MED28: variants seen among roughly 807,000 people sequenced by gnomAD.
MED28 encodes the protein mediator of RNA polymerase II transcription subunit 28.
In MED28, 26 loss-of-function variants were observed where a neutral mutation model predicts 21.3. That is an observed-to-expected ratio of 1.22 (90% CI 0.89 to 1.69). The LOEUF (loss-of-function observed/expected upper bound fraction) is 1.69. Ranked by LOEUF, MED28 falls within the 40% of genes most tolerant of loss-of-function variation. The pLI is 0.00. For synonymous variants in MED28, 110 were observed against 87.6 expected, an observed-to-expected ratio of 1.26 and a Z score of -1.43; for missense variants, 257 against 215.4, an observed-to-expected ratio of 1.19 and a Z score of -1.21.
chr4:17,615,814 A>G (rs1259717300), intron 1 of MED28, among the ~76,000 whole-genome samples: 3 of 152,282 alleles, frequency 2.0e-5, no homozygotes, highest in South Asian at 4.1e-4. Context: ...CCGTCTCAAA[A>G]AAGTAAAATA....
chr4:17,632,589 G>A lies in MED28; in HGVS notation c.*8791G>A. 1 of 1,551,330 alleles carries A rather than the reference G, an allele frequency of 6.4e-7. No individual in the cohort carries two copies. The highest frequency in any genetic ancestry group is 8.7e-7 in the Non-Finnish European group (1 of 1,146,788). On this transcript the variant is annotated 3_prime_UTR_variant, in exon 4 of 4. Transcript: ENST00000237380. The stretch of plus-strand genomic sequence containing the variant: ...GGTGCGGAGAGCCCTGTTTCTGCTG[G>A]ACTTCTTTGGCTTGGGCCGTTTCAC...
rs771649413 is a variant in MED28 at position 17,632,647 on chromosome 4, T to G, written c.*8849T>G. The G allele has an allele frequency of 4.3e-5, 64 of 1,485,486 alleles. No individual in the cohort carries two copies. The highest frequency in any genetic ancestry group is 5.8e-5 in the Non-Finnish European group (63 of 1,090,804). The allele number at this position is 1,485,486 out of a possible 1,614,324, so 92.0% of individuals were successfully genotyped here. ...GGTCCTAAAAGCAAAAAAAGGTTTT[T>G]TTATATGGTTTTGAAAACTATGCAA... On this transcript the variant is annotated 3_prime_UTR_variant, in exon 4 of 4. Coordinates refer to ENST00000237380, the MANE Select transcript of MED28 (RefSeq NM_025205.5).
chr4:17,632,400 A>G lies in MED28; in HGVS notation c.*8602A>G. On this transcript the variant is annotated 3_prime_UTR_variant, in exon 4 of 4. Transcript: ENST00000237380. ...GAACAGTATGAAGTGTTAACGCCAA[A>G]ATTTGTTTTAGCTATCATATATAAA... 1 of 717,496 alleles carries G rather than the reference A, an allele frequency of 1.4e-6. No homozygotes were observed. Among genetic ancestry groups the G allele is most frequent in the East Asian group, 3.0e-5 (1 of 33,830 alleles). 44.4% of individuals were successfully genotyped at this position (717,496 alleles called of 1,614,324 possible).
chr4:17,621,949 G>A (rs537705655), intron 3 of MED28, among the ~76,000 whole-genome samples: 1 of 152,276 alleles, frequency 6.6e-6, no homozygotes, highest in African/African-American at 2.4e-5. Flanking sequence ...TGGCCTTCAG[G>A]AAAGATTTTT....
chr4:17,623,106 AAAAAT>A (rs1311492458), intron 3 of MED28, among the ~76,000 whole-genome samples: 1 of 152,192 alleles, frequency 6.6e-6, no homozygotes, highest in Admixed American at 6.5e-5. Flanking sequence ...TTTCTATAAG[AAAAAT>A]AAACGTAGGC....
intron 2 of MED28, among the ~76,000 whole-genome samples, chr4:17,620,534 T>C (rs1378517201): frequency 6.6e-6 from 1 of 152,170 alleles, no homozygotes; most frequent in Non-Finnish European, 1.5e-5. Context: ...GGTTTCGCCA[T>C]GTTGGCCAGG....
At chr4:17,623,493 T>C (rs1433259205) in intron 3 of MED28, 108 bp from the exon 4 acceptor site, 4 of 1,051,454 alleles carry the variant, frequency 3.8e-6, no homozygotes, top group African/African-American at 1.6e-5. Context: ...GGGCTTAATA[T>C]GGTTTAATGG....
chr4:17,618,251 C>A (rs996997941), intron 1 of MED28, among the ~76,000 whole-genome samples: 1 of 152,096 alleles, frequency 6.6e-6, no homozygotes, highest in Non-Finnish European at 1.5e-5. Context: ...TGAAGTGATC[C>A]ACCCATCTTG....
rs1193649856 is a variant in MED28, at chr4:17,633,494, C to T, written c.*9696C>T. 6.0e-6 allele frequency: 3 copies of T among 501,692 alleles called. No individual in the cohort carries two copies. Among genetic ancestry groups the T allele is most frequent in the Non-Finnish European group, 1.0e-5 (3 of 290,142 alleles). 31.1% of individuals were successfully genotyped at this position (501,692 alleles called of 1,614,324 possible). A position where few individuals can be genotyped will look rare whatever the true frequency, so the allele number is the denominator to read the frequency against. On this transcript the variant is annotated 3_prime_UTR_variant, in exon 4 of 4. Coordinates refer to ENST00000237380, the MANE Select transcript of MED28 (RefSeq NM_025205.5). ...GGAAGACTGTAATTTGAATTCAGAC[C>T]TCCAGGCCAGATGGAGTCCACCTTT...
rs531054810 is a variant in MED28 at position 17,626,728 on chromosome 4, G to A, written c.*2930G>A. ...GCTCTGTTGCCCAGGCTGTAGTGCAGTGGCACAACGGGGTCCCACAGGCAA... is the reference window on the plus strand; with the variant it reads ...GCTCTGTTGCCCAGGCTGTAGTGCAATGGCACAACGGGGTCCCACAGGCAA... On this transcript the variant is annotated 3_prime_UTR_variant, in exon 4 of 4. Transcript: ENST00000237380. 6.6e-6 allele frequency: 1 copy of A among 152,110 alleles called. No individual in the cohort carries two copies. Among genetic ancestry groups the A allele is most frequent in the African/African-American group, 2.4e-5 (1 of 41,322 alleles). The allele number at this position is 152,110 out of a possible 1,614,324, so 9.4% of individuals were successfully genotyped here. A position where few individuals can be genotyped will look rare whatever the true frequency, so the allele number is the denominator to read the frequency against.
rs6841784 is a variant in MED28, at chr4:17,624,795, G to A, written c.*997G>A. On this transcript the variant is annotated 3_prime_UTR_variant, in exon 4 of 4. Transcript: ENST00000237380. ...GATCATTGGCTACTGAGCCTCCACAGAGAGCATGTGGTGCCCTGCCTTTGG... is the reference window on the plus strand; with the variant it reads ...GATCATTGGCTACTGAGCCTCCACAAAGAGCATGTGGTGCCCTGCCTTTGG... The A allele has an allele frequency of 0.69, 105,340 of 151,914 alleles. 37,068 individuals are homozygous for A. Among genetic ancestry groups the A allele is most frequent in the East Asian group, 0.93 (4,786 of 5,158 alleles). 9.4% of individuals were successfully genotyped at this position (151,914 alleles called of 1,614,324 possible). A position where few individuals can be genotyped will look rare whatever the true frequency, so the allele number is the denominator to read the frequency against.
chr4:17,630,177 C>T lies in MED28; in HGVS notation c.*6379C>T, dbSNP rs913110570. The T allele has an allele frequency of 3.7e-4, 57 of 152,244 alleles. No individual in the cohort carries two copies. The highest frequency in any genetic ancestry group is 1.3e-3 in the African/African-American group (56 of 41,550). The allele number at this position is 152,244 out of a possible 1,614,324, so 9.4% of individuals were successfully genotyped here. ...CAAAGTGCAGCCTGGGAAAGTGTTT[C>T]AACACACAAAAATAGAACCACCTGT... On this transcript the variant is annotated 3_prime_UTR_variant, in exon 4 of 4. Coordinates refer to ENST00000237380, the MANE Select transcript of MED28 (RefSeq NM_025205.5).
chr4:17,615,692 C>T (rs995100053), intron 1 of MED28, among the ~76,000 whole-genome samples: 1 of 152,096 alleles, frequency 6.6e-6, no homozygotes, highest in African/African-American at 2.4e-5. Context: ...CGCCTGTAAT[C>T]CCAGGTACTC....
At position 17,625,389 on chromosome 4, in the gene MED28, G is replaced by C. The variant is rs897537978; in HGVS notation, c.*1591G>C. 2 of 233,108 alleles carry C rather than the reference G, an allele frequency of 8.6e-6. No homozygotes were observed. The highest frequency in any genetic ancestry group is 2.3e-5 in the African/African-American group (1 of 42,916). The allele number at this position is 233,108 out of a possible 1,614,324, so 14.4% of individuals were successfully genotyped here. On this transcript the variant is annotated 3_prime_UTR_variant, in exon 4 of 4. Coordinates refer to ENST00000237380, the MANE Select transcript of MED28 (RefSeq NM_025205.5). Reference sequence around the variant, plus strand: ...AAACAAAGCTTTTAAAAGCTCATGTGGTATGACCTCAAGGTTGCTAACCTG... The same window carrying C: ...AAACAAAGCTTTTAAAAGCTCATGTCGTATGACCTCAAGGTTGCTAACCTG...
chr4:17,627,943 C>T lies in MED28; in HGVS notation c.*4145C>T, dbSNP rs191062064. 2.1e-4 allele frequency: 32 copies of T among 152,414 alleles called. No individual in the cohort carries two copies. Among genetic ancestry groups the T allele is most frequent in the African/African-American group, 7.0e-4 (29 of 41,578 alleles). 9.4% of individuals were successfully genotyped at this position (152,414 alleles called of 1,614,324 possible). Reference sequence around the variant, plus strand: ...TTTGCCCCGGTGTTCCTTGGCCCACCTGTCAGACCTACATCATAGGCTCTT... The same window carrying T: ...TTTGCCCCGGTGTTCCTTGGCCCACTTGTCAGACCTACATCATAGGCTCTT... On this transcript the variant is annotated 3_prime_UTR_variant, in exon 4 of 4. Coordinates refer to ENST00000237380, the MANE Select transcript of MED28 (RefSeq NM_025205.5).
Position 17,633,707 on chromosome 4 carries a change from T to C in MED28, c.*9909T>C, listed in dbSNP as rs1271316411. On this transcript the variant is annotated 3_prime_UTR_variant, in exon 4 of 4. Coordinates refer to ENST00000237380, the MANE Select transcript of MED28 (RefSeq NM_025205.5). ...CCCAAACCTTGTGGCAGTTTTTGCATCTGTAGACTGGTTGGGTTTGTAGGT... is the reference window on the plus strand; with the variant it reads ...CCCAAACCTTGTGGCAGTTTTTGCACCTGTAGACTGGTTGGGTTTGTAGGT... 1 of 1,544,972 alleles carries C rather than the reference T, an allele frequency of 6.5e-7. No individual in the cohort carries two copies. The highest frequency in any genetic ancestry group is 1.2e-5 in the South Asian group (1 of 83,198).
chr4:17,633,587 A>T lies in MED28; in HGVS notation c.*9789A>T. The T allele has an allele frequency of 9.2e-7, 1 of 1,081,704 alleles. No homozygotes were observed. Among genetic ancestry groups the T allele is most frequent in the Non-Finnish European group, 1.3e-6 (1 of 795,060 alleles). 67.0% of individuals were successfully genotyped at this position (1,081,704 alleles called of 1,614,324 possible). A position where few individuals can be genotyped will look rare whatever the true frequency, so the allele number is the denominator to read the frequency against. Reference sequence around the variant, plus strand: ...CCCTTGTCTAATCATCCATGAAAAAAGGCCTTCTGGAATTTGGTACCAGGT... The same window carrying T: ...CCCTTGTCTAATCATCCATGAAAAATGGCCTTCTGGAATTTGGTACCAGGT... On this transcript the variant is annotated 3_prime_UTR_variant, in exon 4 of 4. Coordinates refer to ENST00000237380, the MANE Select transcript of MED28 (RefSeq NM_025205.5).
At chr4:17,621,018 G>GTTTTTTT (rs10679446) in intron 2 of MED28, among the ~76,000 whole-genome samples, 1 of 130,762 alleles carries the variant, frequency 7.6e-6, no homozygotes, top group Non-Finnish European at 1.6e-5. Flanking sequence ...TCTGCCTTGT[G>GTTTTTTT]TTTTTTTTTT....
At position 17,621,668 on chromosome 4, in the gene MED28, C is replaced by G; in HGVS notation, c.308C>G (p.Ser103Cys). 4 of 1,611,216 alleles carry G rather than the reference C, an allele frequency of 2.5e-6. No homozygotes were observed. Among genetic ancestry groups the G allele is most frequent in the Non-Finnish European group, 3.4e-6 (4 of 1,179,352 alleles). The part of the protein sequence containing the change: ...CFFLQKRLQL[S>C]VQKPEQVIKE... ...TTCTTACAAAAAAGATTGCAGTTATCTGTCCAGAAACCAGAGCAAGTTATC... is the reference window on the plus strand; with the variant it reads ...TTCTTACAAAAAAGATTGCAGTTATGTGTCCAGAAACCAGAGCAAGTTATC... Residue 103 changes from serine to cysteine, a missense_variant, in exon 3 of 4, where the codon TCT becomes TGT. Coordinates refer to ENST00000237380, the MANE Select transcript of MED28 (RefSeq NM_025205.5).
Sources: gnomAD v4.1 joint callset for allele counts (sites outside exome capture counted in the v4.1 genomes callset) on GRCh38, gnomAD v4.1.1 for gene constraint, MANE v1.5 for transcripts, NCBI Gene and HGNC (gene_info 2026-07-23, HGNC 2026-07-21) for gene names.